Variants in PLCH1 observed in about 807,000 individuals in gnomAD.
PLCH1 encodes 1-phosphatidylinositol 4,5-bisphosphate phosphodiesterase eta-1.
PLCH1 carries 60 observed loss-of-function variants against 126.7 expected under a neutral mutation model. The observed-to-expected ratio is 0.47, with a 90% confidence interval of 0.38 to 0.59. The LOEUF (loss-of-function observed/expected upper bound fraction) is 0.59. Among genes scored for constraint, PLCH1 ranks in the 20% least tolerant of loss-of-function variants. The pLI, the probability that PLCH1 is intolerant of heterozygous loss-of-function variation, is 0.00. For missense variants in PLCH1, 1,723 were observed against 2,040.0 expected (o/e 0.84, Z 2.99); for synonymous variants, 719 against 734.9 (o/e 0.98, Z 0.35).
chr3:155,461,067 G>A (rs1311068853), intron 21 of PLCH1, among the ~76,000 whole-genome samples: 4 of 152,134 alleles, frequency 2.6e-5, no homozygotes, highest in Admixed American at 1.3e-4. Flanking sequence ...AAATCTTCAC[G>A]GCCTTGCCCT....
chr3:155,575,052 A>G (rs1414917380), intron 6 of PLCH1, among the ~76,000 whole-genome samples: 1 of 151,798 alleles, frequency 6.6e-6, no homozygotes, highest in African/African-American at 2.4e-5. Flanking sequence ...AATCGCTTGA[A>G]CCCAGCAGTC....
At chr3:155,568,387 G>A in intron 6 of PLCH1, 63 bp from the exon 7 acceptor site, 1 of 706,068 alleles carries the variant, frequency 1.4e-6, no homozygotes, top group Admixed American at 2.5e-5. Context: ...CTCCACAGTA[G>A]AAAGACATTT....
intron 2 of PLCH1, among the ~76,000 whole-genome samples, chr3:155,701,352 A>G (rs929434885): frequency 6.6e-6 from 1 of 152,144 alleles, no homozygotes; most frequent in African/African-American, 2.4e-5. Context: ...CAAATGTTAC[A>G]TTTTTATTTT....
chr3:155,726,065 C>A (rs1022827328), intron 1 of PLCH1, among the ~76,000 whole-genome samples: 2 of 152,178 alleles, frequency 1.3e-5, no homozygotes, highest in African/African-American at 4.8e-5. Context: ...CCAAACTATA[C>A]AAGAATTTTA....
intron 6 of PLCH1, among the ~76,000 whole-genome samples, chr3:155,578,471 G>C (rs569863261): frequency 2.6e-5 from 4 of 152,252 alleles, no homozygotes; most frequent in African/African-American, 9.6e-5. Context: ...TAATCACATG[G>C]TTGGTTGCTG....
rs183644959 is a variant in PLCH1 at position 155,734,155 on chromosome 3, G to T, written c.-41+10685C>A. Among the ~76,000 whole-genome samples, 11 of 151,984 alleles carry T rather than the reference G, an allele frequency of 7.2e-5. No individual in the cohort carries two copies. The East Asian group carries it at 2.1e-3, about 29-fold the overall frequency. Reference sequence around the variant, plus strand: ...GAATGTAAATTAATACGGCATGGAGGTTCCTCGAAAAATCAAAAATAGGAC... The same window carrying T: ...GAATGTAAATTAATACGGCATGGAGTTTCCTCGAAAAATCAAAAATAGGAC... On this transcript the variant is annotated intron_variant, in intron 1 of 22. Transcript: ENST00000460012.
At position 155,481,740 on chromosome 3, in the gene PLCH1, T is replaced by C; in HGVS notation, c.4286A>G (p.Tyr1429Cys). 1.2e-6 allele frequency: 2 copies of C among 1,614,208 alleles called. No individual in the cohort carries two copies. The highest frequency in any genetic ancestry group is 1.6e-4 in the Middle Eastern group (1 of 6,062). The change falls in exon 23 of 23, where the codon TAT becomes TGT. Residue 1429 changes from tyrosine (Y) to cysteine (C), a missense_variant. By Grantham distance (194) the Tyr-to-Cys change is radical. Coordinates refer to ENST00000460012, the MANE Select transcript of PLCH1 (RefSeq NM_014996.4). The surrounding 1 kb of genome is among the most constrained non-coding windows in gnomAD (Gnocchi z 4.2). ...VKTQSISYLA[Y>C]QGAGFVHNHF... ...ATTATGCACAAAGCCAGCACCCTGA[T>C]AGGCTAGATAAGAAATACTTTGAGT...
chr3:155,602,952 T>C (rs1041934658), intron 2 of PLCH1, among the ~76,000 whole-genome samples: 1 of 152,222 alleles, frequency 6.6e-6, no homozygotes, highest in Non-Finnish European at 1.5e-5. Context: ...AAATCACTTC[T>C]AGCAGTAATA....
At chr3:155,590,153 C>A (rs888751337) in intron 4 of PLCH1, among the ~76,000 whole-genome samples, 2 of 152,186 alleles carry the variant, frequency 1.3e-5, no homozygotes, top group African/African-American at 2.4e-5. Flanking sequence ...CATTTAATTT[C>A]ATTATTCTCA....
intron 1 of PLCH1, among the ~76,000 whole-genome samples, chr3:155,711,820 G>GA (rs940141100): frequency 4.0e-5 from 6 of 151,808 alleles, no homozygotes; most frequent in South Asian, 4.2e-4. Flanking sequence ...ACTCTTGGGG[G>GA]AAAAAAAACT....
chr3:155,744,744 C>T (rs1214202702), intron 1 of PLCH1, 96 bp downstream of exon 1: 1 of 152,710 alleles, frequency 6.5e-6, no homozygotes, highest in African/African-American at 2.4e-5. Flanking sequence ...GAACTTGGGC[C>T]ACCTGCTCAC....
At chr3:155,604,723 C>A (rs1734148776) in intron 2 of PLCH1, among the ~76,000 whole-genome samples, 1 of 152,000 alleles carries the variant, frequency 6.6e-6, no homozygotes, top group Non-Finnish European at 1.5e-5. Context: ...AAATTCATAA[C>A]AATATAGTGG....
chr3:155,660,838 G>A (rs1000330269), intron 2 of PLCH1, among the ~76,000 whole-genome samples: 3 of 152,170 alleles, frequency 2.0e-5, no homozygotes, highest in African/African-American at 7.2e-5. Flanking sequence ...ATCTCAGGAT[G>A]AGTGACTCCC....
intron 2 of PLCH1, among the ~76,000 whole-genome samples, chr3:155,607,021 G>A (rs1216046488): frequency 2.0e-5 from 3 of 152,160 alleles, no homozygotes; most frequent in Non-Finnish European, 4.4e-5. Context: ...ATGTGTAACA[G>A]TGTCTGCTTT....
intron 2 of PLCH1, among the ~76,000 whole-genome samples, chr3:155,649,956 C>T (rs1392081798): frequency 4.6e-5 from 7 of 151,754 alleles, no homozygotes; most frequent in Non-Finnish European, 1.0e-4. Flanking sequence ...CCAGCCTGGG[C>T]GACAGAGTGA....
intron 15 of PLCH1, 78 bp downstream of exon 15, chr3:155,497,242 C>A: frequency 9.3e-7 from 1 of 1,077,144 alleles, no homozygotes; most frequent in South Asian, 1.4e-5. Context: ...ATGGGATTAA[C>A]AAAAATTCAT....
chr3:155,468,841 C>T (rs1388547319), intron 21 of PLCH1, among the ~76,000 whole-genome samples: 1 of 152,146 alleles, frequency 6.6e-6, no homozygotes, highest in Non-Finnish European at 1.5e-5. Flanking sequence ...CAACACTCCA[C>T]TTTCAGCATT....
At chr3:155,670,063 CATTTTAGCATTTG>C (rs1234287320) in intron 2 of PLCH1, among the ~76,000 whole-genome samples, 1 of 152,136 alleles carries the variant, frequency 6.6e-6, no homozygotes, top group Non-Finnish European at 1.5e-5. Context: ...GAAGAAAGTT[CATTTTAGCATTTG>C]ATATAAATCA....
intron 2 of PLCH1, among the ~76,000 whole-genome samples, chr3:155,603,045 G>A (rs359573): frequency 0.49 from 74,454 of 151,962 alleles, 21,300 homozygotes; most frequent in Non-Finnish European, 0.65. Flanking sequence ...ACCATTCGCC[G>A]AGATTAGGGT....
Sources: gnomAD v4.1 joint callset for allele counts (sites outside exome capture counted in the v4.1 genomes callset) on GRCh38, gnomAD v4.1.1 for gene constraint, Gnocchi (gnomAD v3.1) non-coding constraint, MANE v1.5 for transcripts, NCBI Gene and HGNC (gene_info 2026-07-23, HGNC 2026-07-21) for gene names.